TMEM161B: variants seen among roughly 807,000 people sequenced by gnomAD.
TMEM161B encodes the protein transmembrane protein 161B.
A neutral mutation model predicts 61.8 loss-of-function variants in TMEM161B; 34 were observed. The observed-to-expected ratio is 0.55, with a 90% CI of 0.42 to 0.73. The LOEUF (loss-of-function observed/expected upper bound fraction) is 0.73, where lower values mean the gene tolerates loss of function less well. Among genes scored for constraint, TMEM161B ranks in the 30% least tolerant of loss-of-function variants. The pLI, the probability that TMEM161B is intolerant of heterozygous loss-of-function variation, is 0.00. For synonymous variants in TMEM161B, 167 were observed against 192.8 expected, an observed-to-expected ratio of 0.87 and a Z score of 1.11; for missense variants, 456 against 558.5, an observed-to-expected ratio of 0.82 and a Z score of 1.85.
chr5:88,210,109 G>A (rs1746408210), intron 5 of TMEM161B, among the ~76,000 whole-genome samples: 2 of 152,032 alleles, frequency 1.3e-5, no homozygotes, highest in Admixed American at 1.3e-4. Context: ...ACTAAACTAT[G>A]TGATCTTCCA....
chr5:88,188,832 G>A (rs768587727), downstream of TMEM161B, among the ~76,000 whole-genome samples: 1 of 152,172 alleles, frequency 6.6e-6, no homozygotes. Flanking sequence ...GAGTTGGGGG[G>A]GGTGGTTAAT....
chr5:88,216,152 A>G (rs937977103), intron 5 of TMEM161B, among the ~76,000 whole-genome samples: 1 of 152,180 alleles, frequency 6.6e-6, no homozygotes, highest in East Asian at 1.9e-4. Flanking sequence ...AGGCTGAGGC[A>G]GGAGGATCAC....
intron 3 of TMEM161B, 85 bp from the exon 4 acceptor site, chr5:88,225,951 T>G: frequency 1.2e-6 from 1 of 851,378 alleles, no homozygotes; most frequent in Non-Finnish European, 1.8e-6. Context: ...ACAGATGAAG[T>G]TTTAAATTTC....
intron 1 of TMEM161B, chr5:88,250,722 C>T (rs1180808125): frequency 6.6e-6 from 1 of 152,168 alleles, no homozygotes; most frequent in African/African-American, 2.4e-5. Context: ...ATGGGTTGAC[C>T]GCGTCTCATT....
downstream of TMEM161B, among the ~76,000 whole-genome samples, chr5:88,188,324 C>T (rs945892550): frequency 6.6e-6 from 1 of 150,962 alleles, no homozygotes; most frequent in Non-Finnish European, 1.5e-5. Context: ...CCATGTTGGC[C>T]AGGCTGATTT....
downstream of TMEM161B, among the ~76,000 whole-genome samples, chr5:88,193,261 T>C (rs918039966): frequency 1.3e-5 from 2 of 152,110 alleles, no homozygotes; most frequent in African/African-American, 2.4e-5. Flanking sequence ...CAATAAATTG[T>C]CGCAATCCTA....
At chr5:88,197,474 T>A (rs531656925) in intron 11 of TMEM161B, among the ~76,000 whole-genome samples, 195 bp downstream of exon 11, 1 of 152,282 alleles carries the variant, frequency 6.6e-6, no homozygotes, top group South Asian at 2.1e-4. Context: ...CATAAAGTTA[T>A]AAAACCATGG....
rs759374537 is a variant in TMEM161B, at chr5:88,228,964, T to C, written c.108-436A>G. On this transcript the variant is annotated intron_variant, in intron 2 of 11. Transcript: ENST00000296595. ...TCTCACATTTACAGGTAGTCTTTCCTTTCTTTCCCTTTTTTAATTTAGTTC... is the reference window on the plus strand; with the variant it reads ...TCTCACATTTACAGGTAGTCTTTCCCTTCTTTCCCTTTTTTAATTTAGTTC... Among the ~76,000 whole-genome samples, 188 of 152,104 alleles carry C rather than the reference T, an allele frequency of 1.2e-3. 1 individual carries two copies. Among genetic ancestry groups the C allele is most frequent in the Admixed American group, 5.2e-4 (8 of 15,280 alleles).
In TMEM161B at chr5:88,196,099, TG is replaced by T. The variant is rs1259036128; in HGVS notation, c.*111del. On this transcript the variant is annotated 3_prime_UTR_variant, in exon 12 of 12. Coordinates refer to ENST00000296595, the MANE Select transcript of TMEM161B (RefSeq NM_153354.5). The stretch of plus-strand genomic sequence containing the variant: ...ACATTTAATACAAGACATTCTGATA[TG>T]TTTTTTTTTTCCCATTGTATTTGCT... 49 of 1,456,052 alleles carry T rather than the reference TG, an allele frequency of 3.4e-5. No individual in the cohort carries two copies. The highest frequency in any genetic ancestry group is 3.9e-5 in the Non-Finnish European group (43 of 1,106,476). 90.2% of individuals were successfully genotyped at this position (1,456,052 alleles called of 1,614,324 possible).
intron 8 of TMEM161B, among the ~76,000 whole-genome samples, chr5:88,205,170 AGTAAATGG>A (rs1561315977): frequency 6.6e-6 from 1 of 152,212 alleles, no homozygotes; most frequent in Non-Finnish European, 1.5e-5. Context: ...CAAAGAATAT[AGTAAATGG>A]GCTTTGAACT....
intron 3 of TMEM161B, 85 bp downstream of exon 3, chr5:88,228,360 A>T: frequency 9.9e-7 from 1 of 1,013,206 alleles, no homozygotes; most frequent in Non-Finnish European, 1.5e-6. Flanking sequence ...CATAATTGGT[A>T]CATGTTTCTT....
At chr5:88,188,832 G>T (rs768587727), downstream of TMEM161B, among the ~76,000 whole-genome samples, 1 of 152,170 alleles carries the variant, frequency 6.6e-6, no homozygotes, top group Non-Finnish European at 1.5e-5. Context: ...GAGTTGGGGG[G>T]GGTGGTTAAT....
chr5:88,227,081 C>T (rs988637243), intron 3 of TMEM161B, among the ~76,000 whole-genome samples: 1 of 152,024 alleles, frequency 6.6e-6, no homozygotes, highest in Non-Finnish European at 1.5e-5. Flanking sequence ...CTCAGCTACT[C>T]GTGAGGCTGA....
intron 5 of TMEM161B, among the ~76,000 whole-genome samples, chr5:88,211,513 A>T (rs1240430979): frequency 6.6e-6 from 1 of 152,006 alleles, no homozygotes; most frequent in Non-Finnish European, 1.5e-5. Flanking sequence ...TAATCCCAGC[A>T]CTTTGGGAGG....
chr5:88,241,739 C>T (rs921524548), intron 1 of TMEM161B, among the ~76,000 whole-genome samples: 1 of 151,754 alleles, frequency 6.6e-6, no homozygotes, highest in Non-Finnish European at 1.5e-5. Flanking sequence ...TTCCCATATT[C>T]TCCATGATGG....
At chr5:88,216,720 A>C (rs1165552323) in intron 5 of TMEM161B, among the ~76,000 whole-genome samples, 1 of 152,224 alleles carries the variant, frequency 6.6e-6, no homozygotes, top group Non-Finnish European at 1.5e-5. Context: ...AACAGGTTTA[A>C]AAGATGGTGC....
intron 1 of TMEM161B, among the ~76,000 whole-genome samples, chr5:88,250,377 T>C (rs138738197): frequency 6.6e-6 from 1 of 152,072 alleles, no homozygotes; most frequent in African/African-American, 2.4e-5. Context: ...TTCCATTTCA[T>C]AGAACTATAA....
intron 6 of TMEM161B, 115 bp from the exon 7 acceptor site, chr5:88,206,614 T>A: frequency 1.9e-6 from 2 of 1,027,232 alleles, no homozygotes; most frequent in Non-Finnish European, 1.4e-6. Flanking sequence ...TTGAAGTGAC[T>A]AGCTTAGCTC....
chr5:88,242,666 C>T (rs762812303), intron 1 of TMEM161B, among the ~76,000 whole-genome samples: 9 of 151,654 alleles, frequency 5.9e-5, no homozygotes, highest in Admixed American at 1.3e-4. Flanking sequence ...GTTAGAAATT[C>T]CATCTACTTC....
Sources: allele counts gnomAD v4.1 joint callset (sites outside exome capture counted in the v4.1 genomes callset), GRCh38; gene constraint gnomAD v4.1.1; transcripts MANE v1.5; gene names NCBI Gene and HGNC (gene_info 2026-07-23, HGNC 2026-07-21).